Variants in HDAC10 observed in about 807,000 individuals in gnomAD.
The protein encoded by HDAC10 is histone deacetylase 10.
In HDAC10, 90 loss-of-function variants were observed where a neutral mutation model predicts 82.3. The observed-to-expected ratio is 1.09, with a 90% confidence interval of 0.92 to 1.30. The LOEUF (loss-of-function observed/expected upper bound fraction) is 1.30. Ranked by LOEUF, HDAC10 falls within the 50% of genes most tolerant of loss-of-function variation. The probability of loss-of-function intolerance (pLI) is 0.00; values close to 1 mark genes in which losing one functional copy is unlikely to be tolerated. For synonymous variants in HDAC10, 456 were observed against 391.7 expected (o/e 1.16, Z -1.94); for missense variants, 934 against 876.3 (o/e 1.07, Z -0.83).
At position 50,250,686 on chromosome 22, in the gene HDAC10, C is replaced by A. The variant is rs1001824376; in HGVS notation, c.194+85G>T. 8 of 1,419,116 alleles carry A rather than the reference C, an allele frequency of 5.6e-6. No individual in the cohort carries two copies. In the African/African-American group the frequency reaches 1.0e-4, roughly 18 times the overall value. The allele number at this position is 1,419,116 out of a possible 1,614,324, so 87.9% of individuals were successfully genotyped here. ...GGAGAGGCTCTGTATTCGAGGCTGG[C>A]AGGCTCGGGGTAGGCCCAGGTTCTT... On this transcript the variant is annotated intron_variant, in intron 2 of 19. Coordinates refer to ENST00000216271, the MANE Select transcript of HDAC10 (RefSeq NM_032019.6).
rs373887940 is a variant in HDAC10 at position 50,248,693 on chromosome 22, A to G, written c.875T>C (p.Leu292Pro). Residue 292 changes from leucine to proline, a missense_variant, in exon 10 of 20, where the codon CTG becomes CCG. Leu to Pro is a moderately conservative substitution (Grantham distance 98). Coordinates refer to ENST00000216271, the MANE Select transcript of HDAC10 (RefSeq NM_032019.6). The surrounding 1 kb of genome is among the most constrained non-coding windows in gnomAD (Gnocchi z 5.4). ...FAHLTQLLQV[L>P]AGGRVCAVLE... ...CACGGCACAGACCCGGCCGCCGGCCAGCACCTGCAGCAGCTGTGTGAGGTG... is the reference window on the plus strand; with the variant it reads ...CACGGCACAGACCCGGCCGCCGGCCGGCACCTGCAGCAGCTGTGTGAGGTG... The G allele has an allele frequency of 1.1e-4, 162 of 1,542,148 alleles. 1 individual carries two copies. The highest frequency in any genetic ancestry group is 1.4e-4 in the Non-Finnish European group (156 of 1,142,078).
At position 50,246,969 on chromosome 22, in the gene HDAC10, G is replaced by T; in HGVS notation, c.1423-3C>A. On this transcript the variant is annotated splice_polypyrimidine_tract_variant and splice_region_variant and intron_variant, in intron 14 of 19. Transcript: ENST00000216271. ...GTGGCTGCTATACCACTGTTCACCT[G>T]TGGGATGAATAAACAGTGGAGAATG... 1 of 1,590,498 alleles carries T rather than the reference G, an allele frequency of 6.3e-7. No homozygotes were observed. The highest frequency in any genetic ancestry group is 8.6e-7 in the Non-Finnish European group (1 of 1,164,560).
chr22:50,250,044 G>T lies in HDAC10; in HGVS notation c.389+19C>A. On this transcript the variant is annotated intron_variant, in intron 4 of 19. Transcript: ENST00000216271. Reference sequence around the variant, plus strand: ...GGGCCACCCACGGAGGAGCAGCCAGGGGAAGGGGCAGCTCTCACCTCACCA... The same window carrying T: ...GGGCCACCCACGGAGGAGCAGCCAGTGGAAGGGGCAGCTCTCACCTCACCA... 6.2e-7 allele frequency: 1 copy of T among 1,610,276 alleles called. No individual in the cohort carries two copies. Among genetic ancestry groups the T allele is most frequent in the Non-Finnish European group, 8.5e-7 (1 of 1,177,734 alleles).
Position 50,247,934 on chromosome 22 carries a change from T to C in HDAC10, c.1293A>G (p.Gln431=). The change falls in exon 13 of 20, where the codon CAA becomes CAG. Residue 431 remains glutamine, a synonymous_variant. Transcript: ENST00000216271. ...CCTCCCTCAGGGCTGACGCTTCCTG[T>C]TGGATGACGTCAGGGGGCAGAACCA... ...ITLVLPPDVI[Q]QEASALREET... is the part of the protein sequence containing the mutation. 6.2e-7 allele frequency: 1 copy of C among 1,612,794 alleles called. No individual in the cohort carries two copies. Among genetic ancestry groups the C allele is most frequent in the South Asian group, 1.1e-5 (1 of 91,078 alleles).
intron 3 of HDAC10, 120 bp downstream of exon 3, chr22:50,250,307 C>T: frequency 8.2e-7 from 1 of 1,215,970 alleles, no homozygotes; most frequent in Non-Finnish European, 1.2e-6. Flanking sequence ...GGCAGGTGTG[C>T]AGGGCAATGT....
rs1849144419 is a variant in HDAC10, at chr22:50,249,498, T to G, written c.564-44A>C. On this transcript the variant is annotated intron_variant, in intron 6 of 19. Transcript: ENST00000216271. The surrounding 1 kb of genome is among the most constrained non-coding windows in gnomAD (Gnocchi z 4.4). ...GGCCAGAGGTCAAAGGTCAGGACCC[T>G]CAACAGCTCTACAGCTCCCTGTAGA... 2.5e-6 allele frequency: 4 copies of G among 1,610,754 alleles called. No individual in the cohort carries two copies. Among genetic ancestry groups the G allele is most frequent in the Non-Finnish European group, 3.4e-6 (4 of 1,178,680 alleles).
Position 50,247,168 on chromosome 22 carries a change from C to T in HDAC10, c.1423-202G>A, listed in dbSNP as rs2147233114. 4 of 461,652 alleles carry T rather than the reference C, an allele frequency of 8.7e-6. No individual in the cohort carries two copies. In the South Asian group the frequency reaches 1.4e-4, roughly 16 times the overall value. The allele number at this position is 461,652 out of a possible 1,614,324, so 28.6% of individuals were successfully genotyped here. On this transcript the variant is annotated intron_variant, in intron 14 of 19. Transcript: ENST00000216271. ...TTTTTTTTTTTTAGAGAGGCAGGGT[C>T]TCGTTCTGTAGCCAGGCTGGCGTGC...
Position 50,249,206 on chromosome 22 carries a change from G to T in HDAC10, c.691-38C>A. 2 of 1,444,698 alleles carry T rather than the reference G, an allele frequency of 1.4e-6. No homozygotes were observed. The highest frequency in any genetic ancestry group is 1.9e-6 in the Non-Finnish European group (2 of 1,058,674). 89.5% of individuals were successfully genotyped at this position (1,444,698 alleles called of 1,614,324 possible). ...CCCAGGCTACATCCTGAACTGTGGGGCAGGGGAGGGGCCCGGGGGAGGGGG... is the reference window on the plus strand; with the variant it reads ...CCCAGGCTACATCCTGAACTGTGGGTCAGGGGAGGGGCCCGGGGGAGGGGG... On this transcript the variant is annotated intron_variant, in intron 7 of 19. Transcript: ENST00000216271. The surrounding 1 kb of genome is among the most constrained non-coding windows in gnomAD (Gnocchi z 4.4).
At position 50,250,534 on chromosome 22, in the gene HDAC10, A is replaced by G; in HGVS notation, c.195-11T>C. On this transcript the variant is annotated splice_polypyrimidine_tract_variant and intron_variant, in intron 2 of 19. Coordinates refer to ENST00000216271, the MANE Select transcript of HDAC10 (RefSeq NM_032019.6). ...GATACATACTCTGGGCTGCATGCAGATGGGCAGGCAGGAGAGGCAGGGTCA... is the reference window on the plus strand; with the variant it reads ...GATACATACTCTGGGCTGCATGCAGGTGGGCAGGCAGGAGAGGCAGGGTCA... 6.3e-7 allele frequency: 1 copy of G among 1,588,126 alleles called. No homozygotes were observed. The highest frequency in any genetic ancestry group is 2.3e-5 in the East Asian group (1 of 44,334).
chr22:50,248,081 C>T lies in HDAC10; in HGVS notation c.1146G>A (p.Leu382=). ...CTGCCTTACACACTGGACCCCCAGG[C>T]AGCAGAGGTGGAGGCCTCCCCTCTG... The part of the protein sequence containing the change: ...HSPEGRPPPL[L]PGGPVCKAAA... Residue 382 remains leucine (L), a synonymous_variant, in exon 13 of 20, where the codon CTG becomes CTA. Transcript: ENST00000216271. This position sits in a 1 kb window ranked among gnomAD's most constrained non-coding sequence, Gnocchi z 5.4. The T allele has an allele frequency of 3.1e-6, 5 of 1,600,876 alleles. No homozygotes were observed. Among genetic ancestry groups the T allele is most frequent in the Non-Finnish European group, 3.4e-6 (4 of 1,172,326 alleles).
chr22:50,247,232 G>A (rs1350218748), intron 14 of HDAC10: 1 of 388,934 alleles, frequency 2.6e-6, no homozygotes, highest in East Asian at 4.3e-5. Flanking sequence ...TCAAACTCCT[G>A]GGCTTAAGCG....
rs1195884170 is a variant in HDAC10, at chr22:50,248,298, AG to A, written c.1014-7del. ...TCTGGATGGACTCTAGGGCACTGTG[AG>A]GGAGACACAACAGTCGTGACACCTG... On this transcript the variant is annotated splice_region_variant and splice_polypyrimidine_tract_variant and intron_variant, in intron 11 of 19. Coordinates refer to ENST00000216271, the MANE Select transcript of HDAC10 (RefSeq NM_032019.6). The surrounding 1 kb of genome is among the most constrained non-coding windows in gnomAD (Gnocchi z 5.4). 6.2e-7 allele frequency: 1 copy of A among 1,612,250 alleles called. No homozygotes were observed.
In HDAC10 at chr22:50,247,392, C is replaced by T. The variant is rs577886105; in HGVS notation, c.1422+300G>A. Reference sequence around the variant, plus strand: ...AAGCGTTTCTCCCACCTTGGCCCCCCAAACTGCCGTTATTACAGGCATGAG... The same window carrying T: ...AAGCGTTTCTCCCACCTTGGCCCCCTAAACTGCCGTTATTACAGGCATGAG... On this transcript the variant is annotated intron_variant, in intron 14 of 19. Transcript: ENST00000216271. 331 of 351,420 alleles carry T rather than the reference C, an allele frequency of 9.4e-4. 2 individuals carry two copies. The highest frequency in any genetic ancestry group is 7.6e-4 in the Non-Finnish European group (147 of 193,862). The allele number at this position is 351,420 out of a possible 1,614,324, so 21.8% of individuals were successfully genotyped here.
rs771345093 is a variant in HDAC10 at position 50,248,127 on chromosome 22, A to T, written c.1100T>A (p.Met367Lys). 6.3e-6 allele frequency: 10 copies of T among 1,585,830 alleles called. No homozygotes were observed. Among genetic ancestry groups the T allele is most frequent in the African/African-American group, 1.3e-5 (1 of 74,496 alleles). The change falls in exon 13 of 20, where the codon ATG becomes AAG. Residue 367 changes from methionine (M) to lysine (K), a missense_variant. Met to Lys is a moderately conservative substitution (Grantham distance 95). Transcript: ENST00000216271. This position sits in a 1 kb window ranked among gnomAD's most constrained non-coding sequence, Gnocchi z 5.4. ...LQQQDVTAVP[M>K]SPSSHSPEGR... ...CTCTGGGGAGTGGCTGCTGGGGCTC[A>T]TCGGCACAGCGGTCACATCTAGGGA...
chr22:50,248,169 C>T lies in HDAC10; in HGVS notation c.1082-24G>A, dbSNP rs779351869. ...ATCTAGGGACAGTTCGGAGTCATAG[C>T]CACTGCACAGGAGCCCGAGGTGGGA... On this transcript the variant is annotated intron_variant, in intron 12 of 19. Transcript: ENST00000216271. This position sits in a 1 kb window ranked among gnomAD's most constrained non-coding sequence, Gnocchi z 5.4. 6.3e-7 allele frequency: 1 copy of T among 1,594,704 alleles called. No homozygotes were observed. Among genetic ancestry groups the T allele is most frequent in the Non-Finnish European group, 8.5e-7 (1 of 1,170,870 alleles).
intron 13 of HDAC10, 27 bp downstream of exon 13, chr22:50,247,863 C>G (rs1569134747): frequency 6.2e-7 from 1 of 1,612,132 alleles, no homozygotes; most frequent in East Asian, 2.2e-5. Context: ...GCGGCCCCAT[C>G]CTTCTCCCCA....
In HDAC10 at chr22:50,249,157, T is replaced by G; in HGVS notation, c.702A>C (p.Gly234=). Residue 234 remains glycine, a synonymous_variant, in exon 8 of 20, where the codon GGA becomes GGC. Coordinates refer to ENST00000216271, the MANE Select transcript of HDAC10 (RefSeq NM_032019.6). This position sits in a 1 kb window ranked among gnomAD's most constrained non-coding sequence, Gnocchi z 4.4. ...GGAAGGCAGCCACGTAGTCAGCGTT[T>G]CCCATCCCAACCTGGCAGGACATCC... ...VNLPWNQVGM[G]NADYVAAFLH... The G allele has an allele frequency of 6.7e-7, 1 of 1,484,870 alleles. No homozygotes were observed. The highest frequency in any genetic ancestry group is 9.1e-7 in the Non-Finnish European group (1 of 1,104,740). 92.0% of individuals were successfully genotyped at this position (1,484,870 alleles called of 1,614,324 possible). A position where few individuals can be genotyped will look rare whatever the true frequency, so the allele number is the denominator to read the frequency against.
At chr22:50,250,304 G>T in intron 3 of HDAC10, 123 bp downstream of exon 3, 1 of 1,217,304 alleles carries the variant, frequency 8.2e-7, no homozygotes, top group Non-Finnish European at 1.2e-6. Context: ...GCAGGCAGGT[G>T]TGCAGGGCAA....
In HDAC10 at chr22:50,251,094, G is replaced by A. The variant is rs532716796; in HGVS notation, c.-62C>T. ...TCGCTAGTGGTGCCTGCCACTGCCT[G>A]TCCCCACCTTCGGCCGGGAGCAGCC... On this transcript the variant is annotated 5_prime_UTR_variant, in exon 1 of 20. Transcript: ENST00000216271. The A allele has an allele frequency of 2.0e-6, 3 of 1,520,384 alleles. No homozygotes were observed. Among genetic ancestry groups the A allele is most frequent in the African/African-American group, 2.8e-5 (2 of 72,544 alleles). The allele number at this position is 1,520,384 out of a possible 1,614,324, so 94.2% of individuals were successfully genotyped here.
Sources: gnomAD v4.1 joint callset for allele counts on GRCh38, gnomAD v4.1.1 for gene constraint, Gnocchi (gnomAD v3.1) non-coding constraint, MANE v1.5 for transcripts, NCBI Gene and HGNC (gene_info 2026-07-23, HGNC 2026-07-21) for gene names.